Variants in LOXHD1 observed in about 807,000 individuals in gnomAD.
LOXHD1 encodes lipoxygenase homology PLAT domains 1, also known as lipoxygenase homology domain-containing protein 1.
A neutral mutation model predicts 248.2 loss-of-function variants in LOXHD1; 205 were observed. The ratio of observed to expected loss-of-function variants is 0.83; its 90% confidence interval spans 0.74 to 0.93. The LOEUF is 0.93. Among genes scored for constraint, LOXHD1 ranks in the 40% least tolerant of loss-of-function variants. The pLI is 0.00. For synonymous variants in LOXHD1, 1,113 were observed against 1,162.8 expected (o/e 0.96, Z 0.87); for missense variants, 2,930 against 2,971.6 (o/e 0.99, Z 0.33).
chr18:46,556,760 C>T lies in LOXHD1; in HGVS notation c.3350+596G>A, dbSNP rs1428177054. The T allele has an allele frequency of 2.1e-5, 4 of 193,346 alleles. No homozygotes were observed. In the East Asian group the frequency reaches 5.1e-4, roughly 25 times the overall value. The allele number at this position is 193,346 out of a possible 1,614,324, so 12.0% of individuals were successfully genotyped here. ...CCAGCCCACTCTCATCCTCCAACGT[C>T]ACCCAGCCCACCCTCAGTCTCAGAC... is the stretch of plus-strand genomic sequence containing the variant. On this transcript the variant is annotated intron_variant, in intron 21 of 40. Transcript: ENST00000642948.
At chr18:46,606,550 T>A (rs1208339554) in intron 6 of LOXHD1, among the ~76,000 whole-genome samples, 1 of 152,176 alleles carries the variant, frequency 6.6e-6, no homozygotes, top group East Asian at 1.9e-4. Flanking sequence ...AGAATTACCT[T>A]CAGGGTACTT....
chr18:46,487,779 A>AG (rs1168802482), intron 38 of LOXHD1, among the ~76,000 whole-genome samples: 4 of 152,176 alleles, frequency 2.6e-5, no homozygotes, highest in African/African-American at 9.7e-5. Context: ...CAGAGTTGAG[A>AG]GGAGAAGAGA....
intron 15 of LOXHD1, among the ~76,000 whole-genome samples, chr18:46,571,147 G>A (rs1376966478): frequency 1.3e-5 from 2 of 152,184 alleles, no homozygotes; most frequent in Non-Finnish European, 1.5e-5. Context: ...AAAGTCAGCA[G>A]TCTGACCTTA....
At chr18:46,599,500 A>G (rs1361774600) in intron 8 of LOXHD1, among the ~76,000 whole-genome samples, 2 of 152,190 alleles carry the variant, frequency 1.3e-5, no homozygotes, top group African/African-American at 4.8e-5. Flanking sequence ...CAATTTTTAG[A>G]AAAGGATATA....
chr18:46,592,623 G>T, intron 10 of LOXHD1, 39 bp from the exon 11 acceptor site: 1 of 1,490,604 alleles, frequency 6.7e-7, no homozygotes, highest in Non-Finnish European at 9.2e-7. Flanking sequence ...GGGCATAACT[G>T]AAGAAATGTG....
intron 12 of LOXHD1, among the ~76,000 whole-genome samples, chr18:46,590,589 C>T (rs945652665): frequency 6.6e-6 from 1 of 152,086 alleles, no homozygotes; most frequent in African/African-American, 2.4e-5. Flanking sequence ...AAAGTAATTG[C>T]AATTTTTGCC....
chr18:46,634,500 T>C (rs1951352057), intron 4 of LOXHD1, among the ~76,000 whole-genome samples: 1 of 152,214 alleles, frequency 6.6e-6, no homozygotes, highest in South Asian at 2.1e-4. Context: ...GCTGTAAAAC[T>C]TTGCTTCCAG....
chr18:46,631,820 C>T (rs1169591985), intron 4 of LOXHD1, among the ~76,000 whole-genome samples: 2 of 152,212 alleles, frequency 1.3e-5, no homozygotes, highest in East Asian at 1.9e-4. Flanking sequence ...AAACAGCTGT[C>T]GGCTGTCCGT....
At chr18:46,581,957 G>C (rs1038615532) in intron 12 of LOXHD1, among the ~76,000 whole-genome samples, 1 of 152,116 alleles carries the variant, frequency 6.6e-6, no homozygotes, top group African/African-American at 2.4e-5. Context: ...TACCTTTCAA[G>C]AATTAAGAAG....
intron 35 of LOXHD1, among the ~76,000 whole-genome samples, chr18:46,508,723 T>C (rs2034749075): frequency 6.6e-6 from 1 of 152,202 alleles, no homozygotes; most frequent in Non-Finnish European, 1.5e-5. Flanking sequence ...AGGAAGATCA[T>C]CTTTGTCGGC....
At chr18:46,648,803 G>C (rs560358253) in intron 2 of LOXHD1, among the ~76,000 whole-genome samples, 1 of 152,164 alleles carries the variant, frequency 6.6e-6, no homozygotes, top group Non-Finnish European at 1.5e-5. Context: ...TGGTCTTCCC[G>C]ATATCTGTGT....
At chr18:46,559,724 T>A in intron 19 of LOXHD1, 122 bp from the exon 20 acceptor site, 1 of 1,137,758 alleles carries the variant, frequency 8.8e-7, no homozygotes, top group Non-Finnish European at 1.2e-6. Flanking sequence ...GCATCTACAC[T>A]AACCTGGGAC....
chr18:46,586,849 A>G (rs1464653916), intron 12 of LOXHD1, among the ~76,000 whole-genome samples: 1 of 152,274 alleles, frequency 6.6e-6, no homozygotes, highest in East Asian at 1.9e-4. Flanking sequence ...AGGTGAATTC[A>G]GTGTACAAAT....
At chr18:46,541,679 G>C in intron 25 of LOXHD1, 97 bp downstream of exon 25, 1 of 1,387,432 alleles carries the variant, frequency 7.2e-7, no homozygotes, top group South Asian at 1.3e-5. Flanking sequence ...GGTGGGCCTG[G>C]CCCACAGTCA....
At position 46,485,154 on chromosome 18, in the gene LOXHD1, G is replaced by A. The variant is rs2032944087; in HGVS notation, c.6050-3C>T. On this transcript the variant is annotated splice_polypyrimidine_tract_variant and splice_region_variant and intron_variant, in intron 38 of 40. Transcript: ENST00000642948. ...CGTTTCTATGACGATCTCGTAGGCT[G>A]TAATGGAGGAGGTGGGGGAGGGTCA... 4 of 1,548,614 alleles carry A rather than the reference G, an allele frequency of 2.6e-6. No individual in the cohort carries two copies. Among genetic ancestry groups the A allele is most frequent in the South Asian group, 1.2e-5 (1 of 83,756 alleles).
At chr18:46,643,522 A>C (rs1465433275) in intron 2 of LOXHD1, among the ~76,000 whole-genome samples, 1 of 152,222 alleles carries the variant, frequency 6.6e-6, no homozygotes, top group African/African-American at 2.4e-5. Flanking sequence ...ACTAAATCAA[A>C]CTAGCAATCG....
chr18:46,643,891 A>G (rs1290387082), intron 2 of LOXHD1, among the ~76,000 whole-genome samples: 1 of 152,250 alleles, frequency 6.6e-6, no homozygotes, highest in Non-Finnish European at 1.5e-5. Context: ...ATATAGGCTT[A>G]AAAGAAAAGG....
At chr18:46,531,149 G>A (rs1399909452) in intron 28 of LOXHD1, among the ~76,000 whole-genome samples, 1 of 151,942 alleles carries the variant, frequency 6.6e-6, no homozygotes, top group Admixed American at 6.6e-5. Context: ...AAGCTCCTGA[G>A]TGCATTGTGA....
At chr18:46,525,225 C>A in intron 29 of LOXHD1, among the ~76,000 whole-genome samples, 1 of 152,304 alleles carries the variant, frequency 6.6e-6, no homozygotes, top group Non-Finnish European at 1.5e-5. Flanking sequence ...GGGCTGGGAC[C>A]TGAAGGTCAT....
Sources: gnomAD v4.1 joint callset for allele counts (sites outside exome capture counted in the v4.1 genomes callset) on GRCh38, gnomAD v4.1.1 for gene constraint, MANE v1.5 for transcripts, NCBI Gene and HGNC (gene_info 2026-07-23, HGNC 2026-07-21) for gene names.